PTBP3: variants seen among roughly 807,000 people sequenced by gnomAD.
The protein encoded by PTBP3 is polypyrimidine tract-binding protein 3.
In PTBP3, 20 loss-of-function variants were observed where a neutral mutation model predicts 58.7. The ratio of observed to expected loss-of-function variants is 0.34; its 90% confidence interval spans 0.24 to 0.50. The LOEUF is 0.50. PTBP3 is among the 20% of genes least tolerant of loss of function. PTBP3 has a pLI of 0.98. For synonymous variants in PTBP3, 185 were observed against 219.8 expected (o/e 0.84, Z 1.40); for missense variants, 509 against 637.2 (o/e 0.80, Z 2.17).
chr9:112,309,252 C>T (rs1829369447), intron 1 of PTBP3, among the ~76,000 whole-genome samples: 1 of 151,666 alleles, frequency 6.6e-6, no homozygotes. Context: ...CAAGTCCTAC[C>T]TTTTTCTAAC....
chr9:112,360,897 C>T, the PTBP3 span, among the ~76,000 whole-genome samples: 98 of 151,982 alleles, frequency 6.4e-4, no homozygotes, highest in African/African-American at 2.1e-3. Context: ...TGGAAGGTTA[C>T]TAAATTACAC....
intron 1 of PTBP3, among the ~76,000 whole-genome samples, chr9:112,316,186 C>T (rs1241248996): frequency 6.6e-6 from 1 of 152,054 alleles, no homozygotes; most frequent in East Asian, 1.9e-4. Flanking sequence ...CCAAATGATC[C>T]CCATCTCCTA....
At chr9:112,370,746 GTC>G in the PTBP3 span, among the ~76,000 whole-genome samples, 1 of 152,158 alleles carries the variant, frequency 6.6e-6, no homozygotes, top group Non-Finnish European at 1.5e-5. Context: ...ACAATTTTAA[GTC>G]TTTCAACCCA....
the PTBP3 span, among the ~76,000 whole-genome samples, chr9:112,361,866 T>A: frequency 6.6e-6 from 1 of 152,234 alleles, no homozygotes; most frequent in African/African-American, 2.4e-5. Context: ...CAGTAACGTA[T>A]GAGGGTTCTA....
chr9:112,220,829 G>A lies in PTBP3; in HGVS notation c.*3022C>T. On this transcript the variant is annotated 3_prime_UTR_variant, in exon 14 of 14. Coordinates refer to ENST00000374257, the MANE Select transcript of PTBP3 (RefSeq NM_001163788.4). ...GTCCTGAATATATATACTTTGTGTA[G>A]AAGTCAAGACACCTTGAAAAGTGAT... is the stretch of plus-strand genomic sequence containing the variant. 1 of 972,152 alleles carries A rather than the reference G, an allele frequency of 1.0e-6. No individual in the cohort carries two copies. The highest frequency in any genetic ancestry group is 1.2e-6 in the Non-Finnish European group (1 of 818,024). 60.2% of individuals were successfully genotyped at this position (972,152 alleles called of 1,614,324 possible).
intron 2 of PTBP3, among the ~76,000 whole-genome samples, chr9:112,285,580 G>A (rs10116045): frequency 0.49 from 73,938 of 152,052 alleles, 18,320 homozygotes; most frequent in African/African-American, 0.58. Context: ...TATTTCAGAC[G>A]TTGTGGGTCA....
At chr9:112,304,594 T>A (rs1829085939) in intron 1 of PTBP3, among the ~76,000 whole-genome samples, 1 of 152,160 alleles carries the variant, frequency 6.6e-6, no homozygotes, top group Non-Finnish European at 1.5e-5. Context: ...TGAGACAGAG[T>A]CTCGTTCTGT....
At chr9:112,249,314 C>T (rs556995519) in intron 7 of PTBP3, among the ~76,000 whole-genome samples, 7 of 152,058 alleles carry the variant, frequency 4.6e-5, no homozygotes, top group Admixed American at 2.6e-4. Context: ...TATATACTTA[C>T]GTGTTTTATA....
chr9:112,342,455 G>A, the PTBP3 span, among the ~76,000 whole-genome samples: 36 of 152,160 alleles, frequency 2.4e-4, no homozygotes, highest in Non-Finnish European at 4.1e-4. Context: ...AGTGGCTCAC[G>A]CCTGTAATCC....
chr9:112,321,528 G>GAAA (rs34348679), intron 1 of PTBP3, among the ~76,000 whole-genome samples: 5 of 143,268 alleles, frequency 3.5e-5, no homozygotes, highest in Non-Finnish European at 4.6e-5. Flanking sequence ...GACGTAGTCT[G>GAAA]AAAAAAAAAA....
At chr9:112,298,104 T>C (rs1214936032) in intron 1 of PTBP3, among the ~76,000 whole-genome samples, 188 bp from the exon 2 acceptor site, 1 of 152,206 alleles carries the variant, frequency 6.6e-6, no homozygotes, top group Non-Finnish European at 1.5e-5. Context: ...TCCACAACTA[T>C]ATAAACACAA....
At chr9:112,350,145 C>G in the PTBP3 span, among the ~76,000 whole-genome samples, 2 of 151,798 alleles carry the variant, frequency 1.3e-5, no homozygotes, top group African/African-American at 4.8e-5. Context: ...ATCCTATGTT[C>G]TTACTCATAA....
the PTBP3 span, among the ~76,000 whole-genome samples, chr9:112,360,683 C>G: frequency 6.6e-6 from 1 of 152,040 alleles, no homozygotes; most frequent in Non-Finnish European, 1.5e-5. Flanking sequence ...TCTTAAAACT[C>G]AAATGGAAAA....
intron 7 of PTBP3, among the ~76,000 whole-genome samples, chr9:112,250,575 A>G (rs1836068787): frequency 6.6e-6 from 1 of 152,128 alleles, no homozygotes; most frequent in South Asian, 2.1e-4. Flanking sequence ...AAGGAAAAGT[A>G]TTTTTCTCAA....
the PTBP3 span, among the ~76,000 whole-genome samples, chr9:112,371,646 ATTT>A: frequency 2.4e-5 from 3 of 127,546 alleles, no homozygotes; most frequent in East Asian, 2.2e-4. Context: ...TTTTTAGTAG[ATTT>A]TTTTTTTTTT....
In PTBP3 at chr9:112,228,537, T is replaced by TAA. The variant is rs1835079365; in HGVS notation, c.1055-67_1055-66dup. On this transcript the variant is annotated intron_variant, in intron 10 of 13. Coordinates refer to ENST00000374257, the MANE Select transcript of PTBP3 (RefSeq NM_001163788.4). ...TTGTGTTGTGTTTAATTAATTTTAC[T>TAA]AATATACTTAAAGAAGGCATTTCTT... The TAA allele has an allele frequency of 4.4e-6, 5 of 1,145,660 alleles. No homozygotes were observed. In the Admixed American group the frequency reaches 1.0e-4, roughly 24 times the overall value. The allele number at this position is 1,145,660 out of a possible 1,614,324, so 71.0% of individuals were successfully genotyped here. A position where few individuals can be genotyped will look rare whatever the true frequency, so the allele number is the denominator to read the frequency against.
rs60262490 is a variant in PTBP3, at chr9:112,290,707, T to TACACACAC, written c.34+7117_34+7124dup. ...AAAAAAATATATATATATATATATA[T>TACACACAC]ACACACACACACACACACACACACA... On this transcript the variant is annotated intron_variant, in intron 2 of 13. Transcript: ENST00000374257. Among the ~76,000 whole-genome samples the TACACACAC allele has an allele frequency of 8.4e-4, 93 of 110,914 alleles. 1 individual carries two copies. The highest frequency in any genetic ancestry group is 3.0e-3 in the African/African-American group (77 of 25,768). 72.8% of individuals were successfully genotyped at this position (110,914 alleles called of 152,430 possible).
At chr9:112,352,441 C>A in the PTBP3 span, among the ~76,000 whole-genome samples, 3 of 152,154 alleles carry the variant, frequency 2.0e-5, no homozygotes, top group Non-Finnish European at 4.4e-5. Flanking sequence ...TCACTGTTAA[C>A]CCTTCAGCCT....
At position 112,297,225 on chromosome 9, in the gene PTBP3, G is replaced by A. The variant is rs142615092; in HGVS notation, c.34+607C>T. 1.4e-3 allele frequency among the ~76,000 whole-genome samples: 207 copies of A among 152,038 alleles called. 1 individual carries two copies. Among genetic ancestry groups the A allele is most frequent in the South Asian group, 4.8e-3 (23 of 4,816 alleles). ...CTCAAGTTTTGTTTTTTGTTTTTGAGATGGAGTCTCGCTCTGTCCCCCAGG... is the reference window on the plus strand; with the variant it reads ...CTCAAGTTTTGTTTTTTGTTTTTGAAATGGAGTCTCGCTCTGTCCCCCAGG... On this transcript the variant is annotated intron_variant, in intron 2 of 13. Transcript: ENST00000374257.
Sources: allele counts gnomAD v4.1 joint callset (sites outside exome capture counted in the v4.1 genomes callset), GRCh38; gene constraint gnomAD v4.1.1; transcripts MANE v1.5; gene names NCBI Gene and HGNC (gene_info 2026-07-23, HGNC 2026-07-21).